POLE: variants seen among roughly 807,000 people sequenced by gnomAD.
The protein encoded by POLE is DNA polymerase epsilon, catalytic subunit.
In POLE, 188 loss-of-function variants were observed where a neutral mutation model predicts 279.2. That is an observed-to-expected ratio of 0.67 (90% CI 0.60 to 0.76). The LOEUF is 0.76. Ranked by LOEUF, POLE falls within the 30% of genes least tolerant of loss-of-function variation. POLE has a pLI of 0.00. For missense variants in POLE, 2,703 were observed against 3,016.7 expected, an observed-to-expected ratio of 0.90 and a Z score of 2.44; for synonymous variants, 1,214 against 1,172.5, an observed-to-expected ratio of 1.04 and a Z score of -0.72.
rs5745003 is a variant in POLE, at chr12:132,634,501, C to T, written c.5812-123G>A. On this transcript the variant is annotated intron_variant, in intron 42 of 48. Transcript: ENST00000320574. The surrounding 1 kb of genome is among the most constrained non-coding windows in gnomAD (Gnocchi z 4.0). Reference sequence around the variant, plus strand: ...GCCCCGTTTGACCAGAGGCCTTCCTCGCAGTCAAGGCATCCCCTGGAGCCT... The same window carrying T: ...GCCCCGTTTGACCAGAGGCCTTCCTTGCAGTCAAGGCATCCCCTGGAGCCT... 10,391 of 932,762 alleles carry T rather than the reference C, an allele frequency of 0.011. 718 individuals carry two copies. The African/African-American group carries it at 0.15, about 14-fold the overall frequency. The allele number at this position is 932,762 out of a possible 1,614,324, so 57.8% of individuals were successfully genotyped here.
chr12:132,665,241 G>A, intron 21 of POLE, 61 bp downstream of exon 21: 1 of 1,539,324 alleles, frequency 6.5e-7, no homozygotes, highest in African/African-American at 1.4e-5. Flanking sequence ...ACCTGAAGCT[G>A]CCCTAAACGT....
At chr12:132,682,301 A>T (rs57317984) in intron 1 of POLE, among the ~76,000 whole-genome samples, 46,682 of 138,636 alleles carry the variant, frequency 0.34, 8,779 homozygotes, top group Non-Finnish European at 0.43. Context: ...CAAAAAAAAA[A>T]AAATAAATAA....
At chr12:132,633,043 C>T (rs2041966134) in intron 43 of POLE, 2 of 416,334 alleles carry the variant, frequency 4.8e-6, no homozygotes, top group Non-Finnish European at 8.5e-6. Context: ...GGGCCATGTA[C>T]ACTAAGCCTC....
At chr12:132,638,369 C>T (rs2138504205) in intron 40 of POLE, 1 of 333,636 alleles carries the variant, frequency 3.0e-6, no homozygotes, top group East Asian at 4.8e-5. Context: ...AAATTCTTAT[C>T]ACAGAAAAAT....
In POLE at chr12:132,634,130, C is replaced by G; in HGVS notation, c.6004+56G>C. On this transcript the variant is annotated intron_variant, in intron 43 of 48. Coordinates refer to ENST00000320574, the MANE Select transcript of POLE (RefSeq NM_006231.4). This position sits in a 1 kb window ranked among gnomAD's most constrained non-coding sequence, Gnocchi z 4.0. Reference sequence around the variant, plus strand: ...CGATACCATGGCACAGGAGCCACATCTACTAACCATGAGTCCCTTCAGTGG... The same window carrying G: ...CGATACCATGGCACAGGAGCCACATGTACTAACCATGAGTCCCTTCAGTGG... The G allele has an allele frequency of 6.9e-7, 1 of 1,457,148 alleles. No individual in the cohort carries two copies. Among genetic ancestry groups the G allele is most frequent in the Non-Finnish European group, 9.4e-7 (1 of 1,060,802 alleles). The allele number at this position is 1,457,148 out of a possible 1,614,324, so 90.3% of individuals were successfully genotyped here. A position where few individuals can be genotyped will look rare whatever the true frequency, so the allele number is the denominator to read the frequency against.
chr12:132,652,314 C>CT (rs11449205), intron 29 of POLE, among the ~76,000 whole-genome samples: 49,337 of 110,216 alleles, frequency 0.45, 11,677 homozygotes, highest in East Asian at 0.64. Context: ...TTGTAGTTTC[C>CT]TTTTTTTTTT....
At chr12:132,632,640 C>T in intron 44 of POLE, 24 bp downstream of exon 44, 1 of 1,613,878 alleles carries the variant, frequency 6.2e-7, no homozygotes, top group Non-Finnish European at 8.5e-7. Flanking sequence ...TGGCAGTGGC[C>T]TCAAAAGACA....
intron 23 of POLE, 91 bp downstream of exon 23, chr12:132,663,913 C>T: frequency 7.3e-7 from 1 of 1,377,364 alleles, no homozygotes; most frequent in East Asian, 2.3e-5. Context: ...GCCAGGAAGG[C>T]ATGCACACTG....
chr12:132,635,801 G>A, intron 42 of POLE, 91 bp downstream of exon 42: 1 of 1,406,028 alleles, frequency 7.1e-7, no homozygotes, highest in Non-Finnish European at 9.7e-7. Context: ...CTCACGGCCA[G>A]GCCCGCCGGG....
chr12:132,669,386 C>A (rs2042872900), intron 16 of POLE, among the ~76,000 whole-genome samples: 1 of 151,992 alleles, frequency 6.6e-6, no homozygotes, highest in Non-Finnish European at 1.5e-5. Context: ...ATCGCTTGAG[C>A]CCGTGAGGTC....
intron 45 of POLE, 103 bp from the exon 46 acceptor site, chr12:132,626,420 C>T: frequency 2.8e-6 from 3 of 1,058,654 alleles, no homozygotes; most frequent in Non-Finnish European, 4.2e-6. Context: ...TTCCTGGTGT[C>T]CTTTCCTCCC....
In POLE at chr12:132,642,201, T is replaced by C. The variant is rs1593729300; in HGVS notation, c.5149A>G (p.Asn1717Asp). Residue 1717 changes from asparagine to aspartate, a missense_variant, in exon 38 of 49, where the codon AAC becomes GAC. Around this residue, in one of 5 missense-constraint regions of POLE, gnomAD observed 1,551 missense variants for 1,686.1 expected, o/e 0.92. Transcript: ENST00000320574. The stretch of plus-strand genomic sequence containing the variant: ...CCTGTGGAGTAACAGCCTGAACTGT[T>C]GATCTCAACAGTGGCTTGGTCATCG... The part of the protein sequence containing the change: ...EFDDQATVEI[N>D]SSGCYSTVCV... 2 of 1,593,212 alleles carry C rather than the reference T, an allele frequency of 1.3e-6. No individual in the cohort carries two copies. The highest frequency in any genetic ancestry group is 2.2e-5 in the East Asian group (1 of 44,716).
Position 132,633,067 on chromosome 12 carries a change from C to T in POLE, c.6005-272G>A, listed in dbSNP as rs5745019. 0.62 allele frequency: 189,279 copies of T among 304,122 alleles called. 60,733 individuals are homozygous for T. The highest frequency in any genetic ancestry group is 0.8 in the East Asian group (13,235 of 16,628). 18.8% of individuals were successfully genotyped at this position (304,122 alleles called of 1,614,324 possible). ...ACACTAAGCCTCTCACTGGGTAGCG[C>T]GTGAAAGACAGCTCCCAACACAAGC... On this transcript the variant is annotated intron_variant, in intron 43 of 48. Transcript: ENST00000320574.
intron 27 of POLE, 67 bp downstream of exon 27, chr12:132,657,799 CAG>C: frequency 9.5e-7 from 1 of 1,048,720 alleles, no homozygotes; most frequent in Non-Finnish European, 1.4e-6. Flanking sequence ...TAATCCAACT[CAG>C]ACATATTCTG....
chr12:132,666,475 G>A (rs1447115098), intron 20 of POLE, among the ~76,000 whole-genome samples: 1 of 152,224 alleles, frequency 6.6e-6, no homozygotes, highest in African/African-American at 2.4e-5. Flanking sequence ...CCAGGAACTG[G>A]GGAGGCTGAG....
At chr12:132,626,987 A>G (rs915548029) in intron 45 of POLE, among the ~76,000 whole-genome samples, 2 of 152,246 alleles carry the variant, frequency 1.3e-5, no homozygotes, top group Non-Finnish European at 2.9e-5. Context: ...TTCTCAGTAC[A>G]TATAAAAGTT....
Position 132,624,748 on chromosome 12 carries a change from G to A in POLE, c.6810C>T (p.Leu2270=), listed in dbSNP as rs757092767. Residue 2270 remains leucine (L), a synonymous_variant, in exon 49 of 49, where the codon CTC becomes CTT. Coordinates refer to ENST00000320574, the MANE Select transcript of POLE (RefSeq NM_006231.4). ...GCAGCAGCCACTCCAGGGTCTCCAG[G>A]AGGTACGACATGCCGTAGTGCTGGG... The part of the protein sequence containing the change: ...NIAQHYGMSY[L]LETLEWLLQK... 9 of 1,613,840 alleles carry A rather than the reference G, an allele frequency of 5.6e-6. No homozygotes were observed. The African/African-American group carries it at 6.7e-5, about 12-fold the overall frequency.
In POLE at chr12:132,643,836, C is replaced by T. The variant is rs1565940214; in HGVS notation, c.4290+1G>A. On this transcript the variant is annotated splice_donor_variant, in intron 33 of 48. Transcript: ENST00000320574. LOFTEE classifies it high-confidence loss of function. ...TCAGTCGAGGGTGGCTGGGGAGTCA[C>T]CTGAGTCTCATATACGCCCTCGATG... 1.2e-6 allele frequency: 2 copies of T among 1,613,250 alleles called. No individual in the cohort carries two copies. The highest frequency in any genetic ancestry group is 1.1e-5 in the South Asian group (1 of 91,058).
At chr12:132,643,172 T>TC in intron 35 of POLE, 52 bp downstream of exon 35, 2 of 1,576,892 alleles carry the variant, frequency 1.3e-6, no homozygotes, top group South Asian at 2.2e-5. Flanking sequence ...ATGTCCTCCT[T>TC]CCCCAAACCC....
Sources: gnomAD v4.1 joint callset for allele counts (sites outside exome capture counted in the v4.1 genomes callset) on GRCh38, gnomAD v4.1.1 for gene constraint, gnomAD v4.1.1 regional missense constraint, Gnocchi (gnomAD v3.1) non-coding constraint, MANE v1.5 for transcripts, NCBI Gene and HGNC (gene_info 2026-07-23, HGNC 2026-07-21) for gene names.